Variants in DDAH1 observed in about 807,000 individuals in gnomAD.
DDAH1 encodes N(G),N(G)-dimethylarginine dimethylaminohydrolase 1.
In DDAH1, 19 loss-of-function variants were observed where a neutral mutation model predicts 28.8. The ratio of observed to expected loss-of-function variants is 0.66; its 90% confidence interval spans 0.46 to 0.97. The LOEUF is 0.97. DDAH1 is among the 50% of genes least tolerant of loss of function. DDAH1 has a pLI of 0.00. For missense variants in DDAH1, 326 were observed against 375.9 expected, an observed-to-expected ratio of 0.87 and a Z score of 1.10; for synonymous variants, 153 against 154.4, an observed-to-expected ratio of 0.99 and a Z score of 0.07.
chr1:85,542,355 AT>A (rs1442215053), intron 1 of DDAH1, among the ~76,000 whole-genome samples: 1 of 152,198 alleles, frequency 6.6e-6, no homozygotes, highest in Non-Finnish European at 1.5e-5. Flanking sequence ...AATCTATGTG[AT>A]TTTAAAATGT....
chr1:85,479,159 CTTTTTTTTTT>C (rs35629726), intron 2 of DDAH1, among the ~76,000 whole-genome samples: 1 of 78,618 alleles, frequency 1.3e-5, no homozygotes, highest in Non-Finnish European at 2.3e-5. Context: ...TTCTGTTTTT[CTTTTTTTTTT>C]TTTTTTTTTT....
chr1:85,456,098 A>AC (rs1030558906), intron 1 of DDAH1, among the ~76,000 whole-genome samples: 1 of 151,918 alleles, frequency 6.6e-6, no homozygotes, highest in Admixed American at 6.6e-5. Flanking sequence ...CCAAAAAGAA[A>AC]AAAAAAAAAT....
At chr1:85,358,975 A>T in intron 1 of DDAH1, 128 bp from the exon 2 acceptor site, 2 of 574,904 alleles carry the variant, frequency 3.5e-6, no homozygotes, top group African/African-American at 3.8e-5. Context: ...TCATATACAC[A>T]CCCATCCTTG....
chr1:85,444,093 A>C (rs1654327015), intron 1 of DDAH1, among the ~76,000 whole-genome samples: 2 of 152,178 alleles, frequency 1.3e-5, no homozygotes, highest in South Asian at 4.1e-4. Context: ...GCCTTGTGCC[A>C]GTTTTCAAAG....
intron 1 of DDAH1, among the ~76,000 whole-genome samples, chr1:85,418,987 T>C (rs76827727): frequency 0.017 from 2,632 of 152,082 alleles, 73 homozygotes; most frequent in East Asian, 0.12. Flanking sequence ...CTTCCATGCC[T>C]TTGCCTATAA....
At chr1:85,390,136 G>T (rs972159657) in intron 1 of DDAH1, among the ~76,000 whole-genome samples, 2 of 152,086 alleles carry the variant, frequency 1.3e-5, no homozygotes, top group Admixed American at 1.3e-4. Flanking sequence ...CCTATTTGCT[G>T]GTGGTTAGGG....
At chr1:85,454,307 C>A (rs1477455351) in intron 1 of DDAH1, among the ~76,000 whole-genome samples, 1 of 152,208 alleles carries the variant, frequency 6.6e-6, no homozygotes, top group South Asian at 2.1e-4. Context: ...TCACACCTAC[C>A]AGGCCACATA....
intron 1 of DDAH1, among the ~76,000 whole-genome samples, chr1:85,414,315 T>C (rs565104728): frequency 3.3e-5 from 5 of 152,224 alleles, no homozygotes; most frequent in African/African-American, 7.2e-5. Context: ...AAGAAGGAAA[T>C]TGGATCCCAT....
At chr1:85,435,171 T>C (rs1159729148) in intron 1 of DDAH1, 1 of 152,208 alleles carries the variant, frequency 6.6e-6, no homozygotes, top group Non-Finnish European at 1.5e-5. Flanking sequence ...AGTTATTGTA[T>C]TATTAAAGAC....
chr1:85,574,013 T>C (rs1268810276), intron 1 of DDAH1, among the ~76,000 whole-genome samples: 2 of 152,264 alleles, frequency 1.3e-5, no homozygotes, highest in African/African-American at 4.8e-5. Flanking sequence ...TTAGTCTAGA[T>C]GGCATTTTAA....
chr1:85,364,670 G>A (rs773660970), intron 1 of DDAH1, among the ~76,000 whole-genome samples: 1 of 151,860 alleles, frequency 6.6e-6, no homozygotes, highest in South Asian at 2.1e-4. Flanking sequence ...TCAGCCTCCC[G>A]AATAGCTTGG....
chr1:85,364,552 C>CT lies in DDAH1; in HGVS notation c.304-5706dup, dbSNP rs34633935. On this transcript the variant is annotated intron_variant, in intron 1 of 5. Coordinates refer to ENST00000284031, the MANE Select transcript of DDAH1 (RefSeq NM_012137.4). ...TTTGTCCATATGTGCTGATTACTTT[C>CT]TTTTTTTTTTTTGAGACAGAGTTTC... 5.9e-3 allele frequency among the ~76,000 whole-genome samples: 873 copies of CT among 147,746 alleles called. 9 individuals carry two copies. Among genetic ancestry groups the CT allele is most frequent in the South Asian group, 0.026 (122 of 4,670 alleles).
intron 1 of DDAH1, among the ~76,000 whole-genome samples, chr1:85,424,755 T>A (rs1031202447): frequency 1.3e-5 from 2 of 151,908 alleles, no homozygotes; most frequent in Non-Finnish European, 2.9e-5. Context: ...TTAAATTTAA[T>A]TTTTTTTAAT....
intron 1 of DDAH1, among the ~76,000 whole-genome samples, chr1:85,506,107 A>G (rs1286186235): frequency 1.3e-5 from 2 of 152,216 alleles, no homozygotes; most frequent in Non-Finnish European, 2.9e-5. Flanking sequence ...GACAAGTTCT[A>G]GAAGGAAGGT....
At chr1:85,367,494 A>G (rs1248331737) in intron 1 of DDAH1, among the ~76,000 whole-genome samples, 1 of 152,164 alleles carries the variant, frequency 6.6e-6, no homozygotes, top group Non-Finnish European at 1.5e-5. Flanking sequence ...CACTCATAAC[A>G]CTATCATTAA....
chr1:85,421,145 T>G (rs1199735877), intron 1 of DDAH1, among the ~76,000 whole-genome samples: 2 of 152,096 alleles, frequency 1.3e-5, no homozygotes, highest in African/African-American at 4.8e-5. Flanking sequence ...ATGGGAAAAT[T>G]GACCCCATGA....
chr1:85,456,272 T>C (rs1269666307), intron 1 of DDAH1, among the ~76,000 whole-genome samples: 1 of 152,264 alleles, frequency 6.6e-6, no homozygotes, highest in African/African-American at 2.4e-5. Context: ...GATTCAATGG[T>C]GACTAATGTC....
chr1:85,340,352 TC>T (rs1207930690), intron 4 of DDAH1, among the ~76,000 whole-genome samples: 2 of 152,218 alleles, frequency 1.3e-5, no homozygotes, highest in Non-Finnish European at 2.9e-5. Context: ...AATGCTGAAT[TC>T]ATGGTGACAG....
intron 1 of DDAH1, among the ~76,000 whole-genome samples, chr1:85,423,325 T>C (rs1193433931): frequency 6.6e-6 from 1 of 152,186 alleles, no homozygotes; most frequent in African/African-American, 2.4e-5. Flanking sequence ...GAATTTTAAT[T>C]GGGAATAAAT....
Sources: gnomAD v4.1 joint callset for allele counts (sites outside exome capture counted in the v4.1 genomes callset) on GRCh38, gnomAD v4.1.1 for gene constraint, MANE v1.5 for transcripts, NCBI Gene and HGNC (gene_info 2026-07-23, HGNC 2026-07-21) for gene names.